Variants in MAP6 observed in about 807,000 individuals in gnomAD.
MAP6 encodes microtubule-associated protein 6.
MAP6 carries 26 observed loss-of-function variants against 42.4 expected under a neutral mutation model. That is an observed-to-expected ratio of 0.61 (90% CI 0.45 to 0.85). The LOEUF (loss-of-function observed/expected upper bound fraction) is 0.85. Ranked by LOEUF, MAP6 falls within the 40% of genes least tolerant of loss-of-function variation. MAP6 has a pLI of 0.00. For missense variants in MAP6, 966 were observed against 1,099.0 expected (o/e 0.88, Z 1.71); for synonymous variants, 418 against 443.8 (o/e 0.94, Z 0.73).
chr11:75,618,923 G>A (rs80034247), intron 1 of MAP6, among the ~76,000 whole-genome samples: 2,287 of 152,284 alleles, frequency 0.015, 67 homozygotes, highest in East Asian at 0.12. Flanking sequence ...AGCCTTCTCT[G>A]TTTCTGGGGC....
At chr11:75,665,393 A>C (rs1405038237) in intron 1 of MAP6, among the ~76,000 whole-genome samples, 4 of 152,228 alleles carry the variant, frequency 2.6e-5, no homozygotes. Context: ...TGCCAACTTG[A>C]AATCATAAAC....
At chr11:75,661,910 G>A (rs1400268578) in intron 1 of MAP6, among the ~76,000 whole-genome samples, 1 of 152,096 alleles carries the variant, frequency 6.6e-6, no homozygotes, top group Non-Finnish European at 1.5e-5. Flanking sequence ...TATCTCCACA[G>A]ACAATCCAGG....
intron 1 of MAP6, among the ~76,000 whole-genome samples, chr11:75,629,814 G>A (rs1021698665): frequency 1.3e-5 from 2 of 152,132 alleles, no homozygotes; most frequent in African/African-American, 2.4e-5. Context: ...GGCATTGCCG[G>A]GAGGGGAGTG....
Position 75,667,836 on chromosome 11 carries a change from C to T in MAP6, c.534G>A (p.Val178=), listed in dbSNP as rs905669479. The T allele has an allele frequency of 1.4e-6, 2 of 1,394,354 alleles. No homozygotes were observed. Among genetic ancestry groups the T allele is most frequent in the Non-Finnish European group, 1.9e-6 (2 of 1,070,322 alleles). 86.4% of individuals were successfully genotyped at this position (1,394,354 alleles called of 1,614,324 possible). A position where few individuals can be genotyped will look rare whatever the true frequency, so the allele number is the denominator to read the frequency against. The change falls in exon 1 of 4, where the codon GTG becomes GTA. Residue 178 remains valine (V), a synonymous_variant. Transcript: ENST00000304771. This position sits in a 1 kb window ranked among gnomAD's most constrained non-coding sequence, Gnocchi z 5.6. ...RGDHPWIPKP[V]QISAASQASA... is the part of the protein sequence containing the mutation. The stretch of plus-strand genomic sequence containing the variant: ...ACGCCTGGGAGGCCGCAGAGATCTG[C>T]ACGGGCTTGGGGATCCACGGGTGGT...
chr11:75,667,640 G>T lies in MAP6; in HGVS notation c.730C>A (p.Pro244Thr). The change falls in exon 1 of 4, where the codon CCT (proline) becomes ACT (threonine). Residue 244 changes from proline (P) to threonine (T), a missense_variant. This residue lies in a region of MAP6 where 943 missense variants were observed against 1,049.9 expected (regional missense o/e 0.90). Transcript: ENST00000304771. This position sits in a 1 kb window ranked among gnomAD's most constrained non-coding sequence, Gnocchi z 5.6. Reference protein sequence around the residue: ...DERDTRRKAGPAWIVRRAEGL... With the variant: ...DERDTRRKAGTAWIVRRAEGL... ...TCGGCGCGGCGCACAATCCAGGCAGGCCCGGCCTTCCTGCGCGTGTCGCGC... is the reference window on the plus strand; with the variant it reads ...TCGGCGCGGCGCACAATCCAGGCAGTCCCGGCCTTCCTGCGCGTGTCGCGC... 1.6e-6 allele frequency: 2 copies of T among 1,263,168 alleles called. No individual in the cohort carries two copies. The allele number at this position is 1,263,168 out of a possible 1,614,324, so 78.2% of individuals were successfully genotyped here. A position where few individuals can be genotyped will look rare whatever the true frequency, so the allele number is the denominator to read the frequency against.
intron 1 of MAP6, among the ~76,000 whole-genome samples, chr11:75,613,663 C>T (rs1230659235): frequency 6.6e-6 from 1 of 152,230 alleles, no homozygotes; most frequent in African/African-American, 2.4e-5. Flanking sequence ...ATCTCATACA[C>T]AATCCTGCAG....
intron 2 of MAP6, chr11:75,607,077 C>T: frequency 3.8e-6 from 1 of 263,948 alleles, no homozygotes; most frequent in Non-Finnish European, 5.9e-6. Context: ...GGTGCAGCGG[C>T]TTTCAGTCAC....
intron 3 of MAP6, among the ~76,000 whole-genome samples, chr11:75,597,492 C>G (rs934278536): frequency 2.4e-4 from 36 of 152,334 alleles, no homozygotes; most frequent in Non-Finnish European, 4.4e-4. Context: ...GTCAAAGGCA[C>G]AGCAGATTGT....
intron 1 of MAP6, among the ~76,000 whole-genome samples, chr11:75,631,361 T>C (rs1253429585): frequency 6.6e-6 from 1 of 152,234 alleles, no homozygotes; most frequent in Non-Finnish European, 1.5e-5. Flanking sequence ...CTTCCTCATC[T>C]GTAAACAGGG....
chr11:75,604,903 TC>T, intron 3 of MAP6: 1 of 985,460 alleles, frequency 1.0e-6, no homozygotes, highest in South Asian at 4.7e-5. Context: ...TGCCACTACA[TC>T]TACGCCCCCT....
At chr11:75,646,449 C>T (rs1488695574) in intron 1 of MAP6, among the ~76,000 whole-genome samples, 1 of 145,126 alleles carries the variant, frequency 6.9e-6, no homozygotes, top group Non-Finnish European at 1.5e-5. Flanking sequence ...GTCACTTGAG[C>T]CCAGGAGTTC....
chr11:75,614,241 C>T (rs507686), intron 1 of MAP6, among the ~76,000 whole-genome samples: 13,351 of 152,238 alleles, frequency 0.088, 810 homozygotes, highest in Middle Eastern at 0.16. Context: ...CACCTCCCTG[C>T]GGCTGCTCCA....
chr11:75,600,211 A>G (rs1450076224), intron 3 of MAP6, among the ~76,000 whole-genome samples: 2 of 152,116 alleles, frequency 1.3e-5, no homozygotes, highest in African/African-American at 2.4e-5. Context: ...ATGTCATTTC[A>G]TCCTCATTCT....
At chr11:75,652,836 GA>G (rs560714756) in intron 1 of MAP6, among the ~76,000 whole-genome samples, 2,225 of 101,272 alleles carry the variant, frequency 0.022, 17 homozygotes, top group Non-Finnish European at 0.026. Flanking sequence ...CTCCATCTCA[GA>G]AAAAAAAAAA....
At chr11:75,646,451 C>G (rs185522005) in intron 1 of MAP6, among the ~76,000 whole-genome samples, 1 of 143,182 alleles carries the variant, frequency 7.0e-6, no homozygotes, top group African/African-American at 2.7e-5. Context: ...CACTTGAGCC[C>G]AGGAGTTCAA....
At chr11:75,637,401 C>T (rs761060860) in intron 1 of MAP6, among the ~76,000 whole-genome samples, 6 of 152,124 alleles carry the variant, frequency 3.9e-5, no homozygotes, top group Non-Finnish European at 5.9e-5. Context: ...CATAAATAAA[C>T]ATTTAAAAGG....
intron 3 of MAP6, chr11:75,605,514 G>A: frequency 8.4e-7 from 1 of 1,195,812 alleles, no homozygotes. Context: ...TCTCAGACCT[G>A]CCTGCCTTGC....
intron 1 of MAP6, among the ~76,000 whole-genome samples, chr11:75,612,149 G>T (rs1942906761): frequency 6.6e-6 from 1 of 152,276 alleles, no homozygotes; most frequent in African/African-American, 2.4e-5. Flanking sequence ...CTCTTGCCCT[G>T]TCATGCCCAG....
At chr11:75,637,279 G>A (rs561811873) in intron 1 of MAP6, among the ~76,000 whole-genome samples, 5 of 152,202 alleles carry the variant, frequency 3.3e-5, no homozygotes, top group African/African-American at 9.6e-5. Flanking sequence ...TATATGGAGC[G>A]GTTGAATTAT....
Sources: gnomAD v4.1 joint callset for allele counts (sites outside exome capture counted in the v4.1 genomes callset) on GRCh38, gnomAD v4.1.1 for gene constraint, gnomAD v4.1.1 regional missense constraint, Gnocchi (gnomAD v3.1) non-coding constraint, MANE v1.5 for transcripts, NCBI Gene and HGNC (gene_info 2026-07-23, HGNC 2026-07-21) for gene names.